The following SLC6A6 variants were observed in gnomAD, a reference collection of about 807,000 sequenced individuals.
SLC6A6 encodes sodium- and chloride-dependent taurine transporter.
SLC6A6 carries 16 observed loss-of-function variants against 68.8 expected under a neutral mutation model. The ratio of observed to expected loss-of-function variants is 0.23; its 90% CI spans 0.16 to 0.35. The LOEUF is 0.35. Among genes scored for constraint, SLC6A6 ranks in the 10% least tolerant of loss-of-function variants. The pLI is 1.00. For missense variants in SLC6A6, 474 were observed against 802.8 expected (o/e 0.59, Z 4.95); for synonymous variants, 312 against 315.4 (o/e 0.99, Z 0.12).
intron 2 of SLC6A6, among the ~76,000 whole-genome samples, chr3:14,431,227 C>T (rs1342149713): frequency 6.6e-6 from 1 of 152,084 alleles, no homozygotes; most frequent in Non-Finnish European, 1.5e-5. Context: ...CAGCATCTGT[C>T]ATTGCAGTTT....
At chr3:14,462,460 A>ACT (rs1184975881) in intron 6 of SLC6A6, among the ~76,000 whole-genome samples, 24 of 152,092 alleles carry the variant, frequency 1.6e-4, no homozygotes, top group East Asian at 1.5e-3. Context: ...CACTTGGGGG[A>ACT]GCCGAGGAGG....
chr3:14,484,838 C>G (rs757235969), intron 14 of SLC6A6, 29 bp from the exon 15 acceptor site: 1 of 1,604,532 alleles, frequency 6.2e-7, no homozygotes, highest in South Asian at 1.1e-5. Context: ...CCTGACGTTT[C>G]CCCCCTCACT....
chr3:14,466,280 A>G (rs992583041), intron 6 of SLC6A6, among the ~76,000 whole-genome samples: 1 of 151,596 alleles, frequency 6.6e-6, no homozygotes, highest in Non-Finnish European at 1.5e-5. Context: ...AAAAAAAAAA[A>G]AAAAAAAAGA....
intron 5 of SLC6A6, among the ~76,000 whole-genome samples, chr3:14,448,446 C>T (rs1406452680): frequency 1.3e-5 from 2 of 152,188 alleles, no homozygotes; most frequent in Non-Finnish European, 2.9e-5. Context: ...GTTTGGCCGG[C>T]TATTGGCTGG....
rs574685645 is a variant in SLC6A6 at position 14,452,956 on chromosome 3, C to T, written c.600-4994C>T. On this transcript the variant is annotated intron_variant, in intron 5 of 14. Coordinates refer to ENST00000622186, the MANE Select transcript of SLC6A6 (RefSeq NM_003043.6). ...CTCCAGACCCCCTGGGAGCTCGGCA[C>T]GTATCATTAGACTTTATTAGAATCA... Among the ~76,000 whole-genome samples, 8 of 152,270 alleles carry T rather than the reference C, an allele frequency of 5.3e-5. 1 individual carries two copies. In the South Asian group the frequency reaches 1.5e-3, roughly 28 times the overall value.
rs571623058 is a variant in SLC6A6 at position 14,442,416 on chromosome 3, C to T, written c.-11-1208C>T. Among the ~76,000 whole-genome samples the T allele has an allele frequency of 1.3e-3, 198 of 152,308 alleles. 7 individuals carry two copies. The South Asian group carries it at 0.038, about 29-fold the overall frequency. On this transcript the variant is annotated intron_variant, in intron 2 of 14. Coordinates refer to ENST00000622186, the MANE Select transcript of SLC6A6 (RefSeq NM_003043.6). ...GTAGCTCTGGTTTTCCCAGCTCATC[C>T]GTTTTCTGTGTCCCTCTGTTATGTT... is the stretch of plus-strand genomic sequence containing the variant.
At chr3:14,453,017 A>T (rs1392678003) in intron 5 of SLC6A6, among the ~76,000 whole-genome samples, 3 of 152,258 alleles carry the variant, frequency 2.0e-5, no homozygotes, top group Non-Finnish European at 4.4e-5. Flanking sequence ...AGGCCTGCTC[A>T]GCCAATCTTC....
intron 5 of SLC6A6, among the ~76,000 whole-genome samples, chr3:14,457,144 G>A (rs746072388): frequency 6.6e-6 from 1 of 152,136 alleles, no homozygotes; most frequent in African/African-American, 2.4e-5. Flanking sequence ...GAATCAGCTC[G>A]GATTGGTGGG....
At chr3:14,474,499 T>C (rs1036274707) in intron 10 of SLC6A6, among the ~76,000 whole-genome samples, 1 of 152,186 alleles carries the variant, frequency 6.6e-6, no homozygotes, top group Non-Finnish European at 1.5e-5. Context: ...AAATGGAGCC[T>C]CTGTCCCCAT....
intron 5 of SLC6A6, 102 bp downstream of exon 5, chr3:14,447,918 G>C (rs112970982): frequency 6.6e-6 from 10 of 1,524,660 alleles, no homozygotes; most frequent in African/African-American, 2.7e-5. Context: ...CACTGTCTTC[G>C]GGGGAGTGGG....
At chr3:14,432,654 C>A (rs965462215) in intron 2 of SLC6A6, 4 of 152,620 alleles carry the variant, frequency 2.6e-5, no homozygotes, top group Non-Finnish European at 4.4e-5. Context: ...AACCCCAAAA[C>A]CCCAGCCTTA....
intron 6 of SLC6A6, among the ~76,000 whole-genome samples, chr3:14,459,500 C>G (rs554575785): frequency 7.0e-4 from 107 of 152,170 alleles, no homozygotes; most frequent in African/African-American, 2.5e-3. Context: ...TTTCTTGGGG[C>G]AGAACCACCC....
In SLC6A6 at chr3:14,477,803, G is replaced by A. The variant is rs1331735274; in HGVS notation, c.1347+461G>A. Among the ~76,000 whole-genome samples the A allele has an allele frequency of 2.0e-5, 3 of 152,168 alleles. No individual in the cohort carries two copies. Among genetic ancestry groups the A allele is most frequent in the Non-Finnish European group, 1.5e-5 (1 of 68,022 alleles). ...CCTGGTGGGTATGGGTTGATAGGGG[G>A]CACATACACTATTCAGAGGGTGAGC... On this transcript the variant is annotated intron_variant, in intron 11 of 14. Transcript: ENST00000622186. This position sits in a 1 kb window ranked among gnomAD's most constrained non-coding sequence, Gnocchi z 4.2.
intron 2 of SLC6A6, among the ~76,000 whole-genome samples, chr3:14,426,514 G>C (rs965063514): frequency 6.6e-6 from 1 of 152,206 alleles, no homozygotes; most frequent in South Asian, 2.1e-4. Flanking sequence ...ACTCTAAGAT[G>C]CTACACAGTC....
chr3:14,457,883 G>A (rs760251422), intron 5 of SLC6A6, 67 bp from the exon 6 acceptor site: 8 of 1,554,466 alleles, frequency 5.1e-6, no homozygotes, highest in African/African-American at 1.4e-5. Context: ...GTTAATGTCC[G>A]AGCCTTGGCT....
intron 11 of SLC6A6, 72 bp from the exon 12 acceptor site, chr3:14,478,394 A>C: frequency 5.9e-6 from 5 of 853,066 alleles, no homozygotes; most frequent in Non-Finnish European, 1.0e-5. Flanking sequence ...TTGATATGCC[A>C]GAGCTCTTTG....
At chr3:14,403,049 CT>C (rs1294950306) in intron 1 of SLC6A6, among the ~76,000 whole-genome samples, 2 of 151,890 alleles carry the variant, frequency 1.3e-5, no homozygotes, top group Admixed American at 1.3e-4. Flanking sequence ...GGCAAAAGGG[CT>C]CCGGCTCTTG....
At chr3:14,439,353 T>C (rs1382297543) in intron 2 of SLC6A6, among the ~76,000 whole-genome samples, 1 of 152,196 alleles carries the variant, frequency 6.6e-6, no homozygotes, top group Admixed American at 6.5e-5. Context: ...CAAATCTTAA[T>C]ATTAAACAGG....
chr3:14,456,879 G>A (rs907543042), intron 5 of SLC6A6, among the ~76,000 whole-genome samples: 1 of 152,226 alleles, frequency 6.6e-6, no homozygotes, highest in African/African-American at 2.4e-5. Flanking sequence ...CCTGTCTCTT[G>A]TGGCCAGCAG....
Sources: allele counts gnomAD v4.1 joint callset (sites outside exome capture counted in the v4.1 genomes callset), GRCh38; gene constraint gnomAD v4.1.1; non-coding constraint Gnocchi (gnomAD v3.1); transcripts MANE v1.5; gene names NCBI Gene and HGNC (gene_info 2026-07-23, HGNC 2026-07-21).